The following EYA4 variants were observed in gnomAD, a reference collection of about 807,000 sequenced individuals.
EYA4 encodes the protein protein phosphatase EYA4.
Under a neutral mutation model 87.9 loss-of-function variants are expected in EYA4, and 31 were observed. The ratio of observed to expected loss-of-function variants is 0.35; its 90% CI spans 0.27 to 0.48. The LOEUF is 0.48. EYA4 is among the 20% of genes least tolerant of loss of function. The pLI, the probability that EYA4 is intolerant of heterozygous loss-of-function variation, is 0.99. For synonymous variants in EYA4, 263 were observed against 270.6 expected (o/e 0.97, Z 0.28); for missense variants, 678 against 761.4 (o/e 0.89, Z 1.29).
At chr6:133,312,378 G>T (rs1025643320) in intron 2 of EYA4, among the ~76,000 whole-genome samples, 3 of 139,448 alleles carry the variant, frequency 2.2e-5, no homozygotes, top group African/African-American at 2.7e-5. Flanking sequence ...AGAGAGAGGC[G>T]CGTGCACACA....
At chr6:133,470,506 G>C (rs1213510450) in intron 11 of EYA4, among the ~76,000 whole-genome samples, 1 of 43,356 alleles carries the variant, frequency 2.3e-5, no homozygotes, top group Admixed American at 2.4e-4. Context: ...TTGTAGTATA[G>C]TTTGAAGTCA....
At position 133,480,637 on chromosome 6, in the gene EYA4, T is replaced by A. The variant is rs1048715063; in HGVS notation, c.971-826T>A. ...ACGGATATAACATGAATATATTGAG[T>A]CAATTAACACATTGATTACATACTG... is the stretch of plus-strand genomic sequence containing the variant. On this transcript the variant is annotated intron_variant, in intron 11 of 19. Transcript: ENST00000355286. Among the ~76,000 whole-genome samples, 4 of 152,260 alleles carry A rather than the reference T, an allele frequency of 2.6e-5. No homozygotes were observed. In the East Asian group the frequency reaches 7.7e-4, roughly 29 times the overall value.
intron 6 of EYA4, among the ~76,000 whole-genome samples, chr6:133,460,058 G>A (rs192838463): frequency 1.3e-5 from 2 of 152,180 alleles, no homozygotes; most frequent in African/African-American, 4.8e-5. Flanking sequence ...TCATAAAATA[G>A]TTAGCAACCT....
chr6:133,360,476 A>G (rs1784372067), intron 2 of EYA4: 1 of 152,240 alleles, frequency 6.6e-6, no homozygotes, highest in Non-Finnish European at 1.5e-5. Flanking sequence ...TACCTACTGT[A>G]TGCCAACCAA....
chr6:133,450,399 G>C (rs914343939), intron 5 of EYA4, among the ~76,000 whole-genome samples: 1 of 152,076 alleles, frequency 6.6e-6, no homozygotes, highest in African/African-American at 2.4e-5. Context: ...TTTATTGTTG[G>C]AATTGTATCA....
chr6:133,465,212 TG>T (rs1794743499), intron 10 of EYA4, among the ~76,000 whole-genome samples: 1 of 152,158 alleles, frequency 6.6e-6, no homozygotes, highest in African/African-American at 2.4e-5. Context: ...GAATATTAAT[TG>T]GTTGAATCAA....
intron 3 of EYA4, among the ~76,000 whole-genome samples, chr6:133,413,590 A>G (rs1308909336): frequency 2.0e-5 from 3 of 151,878 alleles, no homozygotes; most frequent in Admixed American, 6.6e-5. Context: ...TATCATGTAT[A>G]TGTTCCTCTT....
chr6:133,294,469 G>A (rs564259532), intron 2 of EYA4, among the ~76,000 whole-genome samples: 1 of 147,290 alleles, frequency 6.8e-6, no homozygotes, highest in Non-Finnish European at 1.5e-5. Flanking sequence ...TCAGGTGGTC[G>A]TCCCGCCTCA....
At chr6:133,343,179 C>T (rs907987176) in intron 2 of EYA4, among the ~76,000 whole-genome samples, 1 of 152,108 alleles carries the variant, frequency 6.6e-6, no homozygotes, top group Non-Finnish European at 1.5e-5. Flanking sequence ...GACCTGAGAT[C>T]AACCTAACAA....
At chr6:133,500,007 T>A (rs1797970511) in intron 13 of EYA4, among the ~76,000 whole-genome samples, 1 of 150,922 alleles carries the variant, frequency 6.6e-6, no homozygotes, top group South Asian at 2.1e-4. Context: ...TGTATATGAA[T>A]CACCTGATAA....
At chr6:133,348,364 C>G (rs1583025322) in intron 2 of EYA4, among the ~76,000 whole-genome samples, 2 of 149,742 alleles carry the variant, frequency 1.3e-5, no homozygotes, top group African/African-American at 4.9e-5. Context: ...ACCTCCACCT[C>G]CCGGGTTCAA....
intron 5 of EYA4, among the ~76,000 whole-genome samples, chr6:133,454,112 C>T (rs1189855383): frequency 6.6e-6 from 1 of 152,124 alleles, no homozygotes; most frequent in Non-Finnish European, 1.5e-5. Context: ...AGACCAGTTT[C>T]GTTAGACACA....
intron 2 of EYA4, among the ~76,000 whole-genome samples, chr6:133,381,062 C>T (rs1786164617): frequency 7.1e-6 from 1 of 140,566 alleles, no homozygotes; most frequent in African/African-American, 2.6e-5. Context: ...CTCTGTGAAA[C>T]CGTTTTTTTT....
chr6:133,405,651 G>C (rs2128524472), intron 3 of EYA4, among the ~76,000 whole-genome samples: 1 of 152,238 alleles, frequency 6.6e-6, no homozygotes, highest in East Asian at 1.9e-4. Flanking sequence ...GTATAAAACA[G>C]ACAAAAGTTT....
chr6:133,404,145 A>T (rs1788500326), intron 3 of EYA4, among the ~76,000 whole-genome samples: 1 of 152,172 alleles, frequency 6.6e-6, no homozygotes, highest in East Asian at 1.9e-4. Context: ...GGAGTGTCTC[A>T]GGAATTTAAG....
chr6:133,291,453 T>C (rs1031523183), intron 2 of EYA4, among the ~76,000 whole-genome samples: 2 of 152,198 alleles, frequency 1.3e-5, no homozygotes, highest in African/African-American at 4.8e-5. Context: ...CAGTGTTTTT[T>C]AAATAAACAT....
At position 133,289,095 on chromosome 6, in the gene EYA4, A is replaced by G. The variant is rs189082023; in HGVS notation, c.33+14282A>G. 1.6e-3 allele frequency among the ~76,000 whole-genome samples: 249 copies of G among 152,322 alleles called. 3 individuals carry two copies. The highest frequency in any genetic ancestry group is 5.9e-3 in the African/African-American group (244 of 41,582). The stretch of plus-strand genomic sequence containing the variant: ...CCAAGAGGAGGCTTGCTTGTGTTTG[A>G]TGACAGATTTTGAGAAGGATTCAGT... On this transcript the variant is annotated intron_variant, in intron 2 of 19. Transcript: ENST00000355286.
chr6:133,520,710 G>T (rs1423179964), intron 17 of EYA4, among the ~76,000 whole-genome samples: 1 of 151,312 alleles, frequency 6.6e-6, no homozygotes, highest in East Asian at 1.9e-4. Flanking sequence ...AAAGCTGGAG[G>T]CATCACACTA....
chr6:133,478,429 A>T (rs796229757), intron 11 of EYA4, among the ~76,000 whole-genome samples: 56 of 145,090 alleles, frequency 3.9e-4, no homozygotes, highest in African/African-American at 1.3e-3. Context: ...GAATGGATAC[A>T]GTGTAATAGA....
Sources: gnomAD v4.1 joint callset for allele counts (sites outside exome capture counted in the v4.1 genomes callset) on GRCh38, gnomAD v4.1.1 for gene constraint, MANE v1.5 for transcripts, NCBI Gene and HGNC (gene_info 2026-07-23, HGNC 2026-07-21) for gene names.